CNTRL: variants seen among roughly 807,000 people sequenced by gnomAD.
CNTRL encodes the protein 110 kDa centrosomal protein.
In CNTRL, 233 loss-of-function variants were observed where a neutral mutation model predicts 303.7. The observed-to-expected ratio is 0.77, with a 90% CI of 0.69 to 0.86. The LOEUF is 0.86. CNTRL is among the 40% of genes least tolerant of loss of function. The probability of loss-of-function intolerance (pLI) is 0.00; values close to 1 mark genes in which losing one functional copy is unlikely to be tolerated. For synonymous variants in CNTRL, 900 were observed against 922.2 expected, an observed-to-expected ratio of 0.98 and a Z score of 0.44; for missense variants, 2,524 against 2,650.6, an observed-to-expected ratio of 0.95 and a Z score of 1.05.
At chr9:121,122,699 G>C (rs540283071) in intron 12 of CNTRL, among the ~76,000 whole-genome samples, 3 of 152,128 alleles carry the variant, frequency 2.0e-5, no homozygotes, top group Non-Finnish European at 4.4e-5. Flanking sequence ...CTGAAATTCA[G>C]TTTTCTCATG....
intron 40 of CNTRL, 54 bp downstream of exon 40, chr9:121,171,602 C>G: frequency 6.4e-7 from 1 of 1,567,106 alleles, no homozygotes; most frequent in Non-Finnish European, 8.7e-7. Flanking sequence ...ACTCACTGGG[C>G]TCAGGCAGAT....
chr9:121,113,541 A>G lies in CNTRL; in HGVS notation c.1162A>G (p.Ile388Val), dbSNP rs2049844648. The change falls in exon 10 of 44, where the codon ATT (isoleucine) becomes GTT (valine). Residue 388 changes from isoleucine (I) to valine (V), a missense_variant. By Grantham distance (29) the Ile-to-Val change is conservative. Coordinates refer to ENST00000373855, the MANE Select transcript of CNTRL (RefSeq NM_007018.6). ...IDKAPDESPY[I>V]GKSRYKRNMF... ...TAAAGCCCCAGATGAAAGCCCTTAC[A>G]TTGGCAAATCCAGATACAAGAGAAA... 3 of 1,603,824 alleles carry G rather than the reference A, an allele frequency of 1.9e-6. No homozygotes were observed. Among genetic ancestry groups the G allele is most frequent in the Admixed American group, 3.5e-5 (2 of 56,792 alleles).
At position 121,157,547 on chromosome 9, in the gene CNTRL, A is replaced by G; in HGVS notation, c.4443A>G (p.Glu1481=). ...LQTESDAEEL[E]RRAQETAVNL... is the part of the protein sequence containing the mutation. Reference sequence around the variant, plus strand: ...CTGAGTCAGATGCTGAGGAATTAGAAAGGAGAGCTCAGGAAACTGCTGTTA... The same window carrying G: ...CTGAGTCAGATGCTGAGGAATTAGAGAGGAGAGCTCAGGAAACTGCTGTTA... The change falls in exon 28 of 44, where the codon GAA becomes GAG. Residue 1481 remains glutamate, a synonymous_variant. Coordinates refer to ENST00000373855, the MANE Select transcript of CNTRL (RefSeq NM_007018.6). 6.2e-7 allele frequency: 1 copy of G among 1,614,156 alleles called. No individual in the cohort carries two copies. The highest frequency in any genetic ancestry group is 8.5e-7 in the Non-Finnish European group (1 of 1,180,004).
In CNTRL at chr9:121,107,942, C is replaced by A. The variant is rs1410953412; in HGVS notation, c.949C>A (p.Gln317Lys). The A allele has an allele frequency of 1.2e-6, 2 of 1,605,264 alleles. No individual in the cohort carries two copies. Among genetic ancestry groups the A allele is most frequent in the Non-Finnish European group, 1.7e-6 (2 of 1,177,482 alleles). Reference sequence around the variant, plus strand: ...ATCATTAAAAGAGGAGGCCATGTTACAGAAACAGAGCTGTGAGGAACTCAA... The same window carrying A: ...ATCATTAAAAGAGGAGGCCATGTTAAAGAAACAGAGCTGTGAGGAACTCAA... ...NKSLKEEAML[Q>K]KQSCEELKSD... Residue 317 changes from glutamine to lysine, a missense_variant, in exon 8 of 44, where the codon CAG becomes AAG. Transcript: ENST00000373855.
intron 12 of CNTRL, 54 bp downstream of exon 12, chr9:121,118,594 C>A: frequency 7.3e-7 from 1 of 1,369,004 alleles, no homozygotes; most frequent in Non-Finnish European, 9.8e-7. Flanking sequence ...CATGTCTCAT[C>A]ATTGTTAGCA....
At chr9:121,075,540 G>A (rs1166036696) in intron 1 of CNTRL, among the ~76,000 whole-genome samples, 5 of 152,192 alleles carry the variant, frequency 3.3e-5, no homozygotes, top group Non-Finnish European at 4.4e-5. Context: ...CTAAAAGAAG[G>A]GGAAGAACAA....
At chr9:121,119,314 T>TC (rs1186978796) in intron 12 of CNTRL, among the ~76,000 whole-genome samples, 11 of 113,716 alleles carry the variant, frequency 9.7e-5, no homozygotes, top group South Asian at 5.4e-4. Flanking sequence ...TCTCTCTCTC[T>TC]TTTTTTTTTT....
At position 121,176,205 on chromosome 9, in the gene CNTRL, T is replaced by C. The variant is rs537564664; in HGVS notation, c.6955-958T>C. On this transcript the variant is annotated intron_variant, in intron 43 of 43. Coordinates refer to ENST00000373855, the MANE Select transcript of CNTRL (RefSeq NM_007018.6). ...TAGATAAGGAATCTGTACAAAATGA[T>C]AAATGATTTGGTCAAGGACATAGCA... 2.0e-5 allele frequency among the ~76,000 whole-genome samples: 3 copies of C among 152,342 alleles called. No individual in the cohort carries two copies. The East Asian group carries it at 5.8e-4, about 29-fold the overall frequency.
In CNTRL at chr9:121,167,561, G is replaced by A; in HGVS notation, c.5728G>A (p.Glu1910Lys). Residue 1910 changes from glutamate to lysine, a missense_variant, in exon 37 of 44, where the codon GAA becomes AAA. Glu to Lys is a moderately conservative substitution (Grantham distance 56). Transcript: ENST00000373855. ...GACCCGACTCCAGAAGGACATCAGT[G>A]AATGGGCAAATAGGTTTGAAGACTG... ...EQTRLQKDIS[E>K]WANRFEDCQK... 1 of 1,614,100 alleles carries A rather than the reference G, an allele frequency of 6.2e-7. No homozygotes were observed. The highest frequency in any genetic ancestry group is 8.5e-7 in the Non-Finnish European group (1 of 1,180,000).
chr9:121,099,144 C>T (rs2049020949), intron 7 of CNTRL, among the ~76,000 whole-genome samples: 1 of 152,168 alleles, frequency 6.6e-6, no homozygotes, highest in African/African-American at 2.4e-5. Context: ...CCCCGAGTAG[C>T]CTAACTGGGA....
intron 7 of CNTRL, 30 bp from the exon 8 acceptor site, chr9:121,107,772 A>G (rs1473976205): frequency 3.8e-6 from 5 of 1,305,742 alleles, no homozygotes; most frequent in African/African-American, 3.1e-5. Flanking sequence ...AAATATAATG[A>G]TAAATAAACT....
chr9:121,110,248 T>A (rs571910059), intron 8 of CNTRL, among the ~76,000 whole-genome samples: 1 of 152,236 alleles, frequency 6.6e-6, no homozygotes, highest in South Asian at 2.1e-4. Context: ...TAGTTATATT[T>A]AAAATGAGGA....
intron 25 of CNTRL, among the ~76,000 whole-genome samples, chr9:121,151,616 T>C (rs1181180293): frequency 2.0e-5 from 3 of 152,172 alleles, no homozygotes; most frequent in African/African-American, 7.2e-5. Flanking sequence ...GGTCTCGAAC[T>C]CCTGACCTTG....
At chr9:121,078,250 T>TA (rs934691571) in intron 1 of CNTRL, among the ~76,000 whole-genome samples, 60 of 151,550 alleles carry the variant, frequency 4.0e-4, no homozygotes, top group African/African-American at 9.0e-4. Context: ...CTACTAAAAA[T>TA]AAAAAAAATT....
chr9:121,133,095 C>T (rs902475750), intron 14 of CNTRL, among the ~76,000 whole-genome samples: 10 of 152,226 alleles, frequency 6.6e-5, no homozygotes, highest in Non-Finnish European at 2.9e-5. Flanking sequence ...ACACGGGGGT[C>T]AGGGACCCAC....
chr9:121,079,848 G>A (rs1186308717), intron 1 of CNTRL, among the ~76,000 whole-genome samples: 1 of 151,798 alleles, frequency 6.6e-6, no homozygotes, highest in East Asian at 1.9e-4. Flanking sequence ...AATTTTCTGG[G>A]TTTCCTTCAG....
At chr9:121,163,342 T>TAC (rs1588315440) in intron 34 of CNTRL, among the ~76,000 whole-genome samples, 1 of 148,432 alleles carries the variant, frequency 6.7e-6, no homozygotes, top group Non-Finnish European at 1.5e-5. Context: ...TATATATATA[T>TAC]ACATATTTAT....
rs771397912 is a variant in CNTRL at position 121,167,494 on chromosome 9, G to A, written c.5661G>A (p.Leu1887=). The change falls in exon 37 of 44, where the codon CTG becomes CTA. Residue 1887 remains leucine (L), a synonymous_variant. Transcript: ENST00000373855. ...ACTTGTTCTTTCACCTAAAGGACCT[G>A]CTTCACACCACCAAGCATCAGGATG... ...QDHLNLAKQD[L]LHTTKHQDVL... is the part of the protein sequence containing the mutation. 5 of 1,612,738 alleles carry A rather than the reference G, an allele frequency of 3.1e-6. No homozygotes were observed. The highest frequency in any genetic ancestry group is 3.3e-4 in the Middle Eastern group (2 of 6,052).
chr9:121,165,251 T>A, intron 35 of CNTRL, 151 bp downstream of exon 35: 1 of 683,498 alleles, frequency 1.5e-6, no homozygotes, highest in Non-Finnish European at 2.3e-6. Context: ...TGGAATATAC[T>A]AAAAGCCTTT....
Sources: gnomAD v4.1 joint callset for allele counts (sites outside exome capture counted in the v4.1 genomes callset) on GRCh38, gnomAD v4.1.1 for gene constraint, MANE v1.5 for transcripts, NCBI Gene and HGNC (gene_info 2026-07-23, HGNC 2026-07-21) for gene names.